Variants in LGR5 observed in about 807,000 individuals in gnomAD.
LGR5 encodes the protein leucine-rich repeat-containing G protein-coupled receptor 5.
Under a neutral mutation model 76.7 loss-of-function variants are expected in LGR5, and 54 were observed. That is an observed-to-expected ratio of 0.70 (90% confidence interval 0.57 to 0.88). LGR5 has a LOEUF of 0.88. Among genes scored for constraint, LGR5 ranks in the 40% least tolerant of loss-of-function variants. The probability of loss-of-function intolerance (pLI) is 0.00; values close to 1 mark genes in which losing one functional copy is unlikely to be tolerated. For synonymous variants in LGR5, 406 were observed against 421.9 expected (o/e 0.96, Z 0.46); for missense variants, 1,078 against 1,073.3 (o/e 1.00, Z -0.06).
chr12:71,504,994 C>G (rs1874787140), intron 2 of LGR5, among the ~76,000 whole-genome samples: 1 of 152,118 alleles, frequency 6.6e-6, no homozygotes, highest in Non-Finnish European at 1.5e-5. Flanking sequence ...AATAGTTAAG[C>G]AGCAGGATAT....
chr12:71,463,861 A>G (rs1872764225), intron 1 of LGR5, among the ~76,000 whole-genome samples: 1 of 152,008 alleles, frequency 6.6e-6, no homozygotes, highest in Admixed American at 6.6e-5. Flanking sequence ...GTGTATATAT[A>G]TAATCTCTAG....
intron 1 of LGR5, among the ~76,000 whole-genome samples, chr12:71,483,822 G>A (rs1873713927): frequency 1.3e-5 from 2 of 152,048 alleles, no homozygotes; most frequent in Admixed American, 6.6e-5. Context: ...AATAACATCA[G>A]TTATGACTAC....
intron 1 of LGR5, chr12:71,448,861 G>C (rs116155297): frequency 3.3e-5 from 5 of 152,144 alleles, no homozygotes; most frequent in Non-Finnish European, 5.9e-5. Context: ...TTTTGTCTTT[G>C]TACTTCCTGT....
intron 1 of LGR5, among the ~76,000 whole-genome samples, chr12:71,477,987 G>A (rs997991218): frequency 6.6e-6 from 1 of 152,022 alleles, no homozygotes; most frequent in South Asian, 2.1e-4. Flanking sequence ...ACTTTAACAG[G>A]TTCATTATAA....
In LGR5 at chr12:71,566,873, C is replaced by T. The variant is rs765346055; in HGVS notation, c.1031C>T (p.Pro344Leu). 7 of 1,613,832 alleles carry T rather than the reference C, an allele frequency of 4.3e-6. No individual in the cohort carries two copies. Among genetic ancestry groups the T allele is most frequent in the South Asian group, 3.3e-5 (3 of 91,074 alleles). ...TLTGAQISSL[P>L]QTVCNQLPNL... ...ACTGGAGCACAGATCTCATCTCTTC[C>T]TCAAACCGTCTGCAATCAGTTACCT... Residue 344 changes from proline to leucine, a missense_variant, in exon 11 of 18, where the codon CCT (proline) becomes CTT (leucine). Pro to Leu is a moderately conservative substitution (Grantham distance 98). Transcript: ENST00000266674.
intron 11 of LGR5, 53 bp downstream of exon 11, chr12:71,566,965 G>T: frequency 1.6e-6 from 2 of 1,276,494 alleles, no homozygotes; most frequent in South Asian, 1.2e-5. Flanking sequence ...TCCATTTAGG[G>T]GTGAAATGGC....
At chr12:71,475,685 A>G (rs1018692879) in intron 1 of LGR5, among the ~76,000 whole-genome samples, 17 of 152,118 alleles carry the variant, frequency 1.1e-4, no homozygotes, top group African/African-American at 4.1e-4. Flanking sequence ...TTCAAGACTC[A>G]GTTTAAGTGT....
rs941681638 is a variant in LGR5 at position 71,440,496 on chromosome 12, G to T, written c.212+204G>T. On this transcript the variant is annotated intron_variant, in intron 1 of 17. Transcript: ENST00000266674. The surrounding 1 kb of genome is among the most constrained non-coding windows in gnomAD (Gnocchi z 5.3). ...TAGCGTGCCGGCACTTTCTGGACCC[G>T]CAGAGAAATGGCTTCGAGTGCAACC... Among the ~76,000 whole-genome samples, 2 of 152,190 alleles carry T rather than the reference G, an allele frequency of 1.3e-5. No homozygotes were observed. The highest frequency in any genetic ancestry group is 2.9e-5 in the Non-Finnish European group (2 of 68,030).
intron 4 of LGR5, among the ~76,000 whole-genome samples, chr12:71,540,408 G>A (rs188691225): frequency 2.0e-5 from 3 of 152,240 alleles, no homozygotes; most frequent in East Asian, 3.9e-4. Context: ...CTTTATTATT[G>A]TCTCTATTCT....
chr12:71,549,942 G>T (rs1195091708), intron 4 of LGR5, among the ~76,000 whole-genome samples: 1 of 151,994 alleles, frequency 6.6e-6, no homozygotes, highest in African/African-American at 2.4e-5. Context: ...CTTTTTTCTG[G>T]GGGGAAAAGA....
At chr12:71,467,695 C>T (rs1032871247) in intron 1 of LGR5, among the ~76,000 whole-genome samples, 3 of 152,052 alleles carry the variant, frequency 2.0e-5, no homozygotes, top group Non-Finnish European at 2.9e-5. Flanking sequence ...CAAACAATGC[C>T]GATTTGGCAG....
chr12:71,472,534 T>A (rs1483858570), intron 1 of LGR5, among the ~76,000 whole-genome samples: 3 of 152,138 alleles, frequency 2.0e-5, no homozygotes, highest in African/African-American at 7.2e-5. Flanking sequence ...CCCCAATAGA[T>A]ATAATAGGTT....
chr12:71,581,943 C>T (rs1055253092), intron 16 of LGR5, among the ~76,000 whole-genome samples: 1 of 152,184 alleles, frequency 6.6e-6, no homozygotes, highest in South Asian at 2.1e-4. Flanking sequence ...CACAAAACTC[C>T]TATTTCATGG....
At chr12:71,443,986 C>T (rs1871878123) in intron 1 of LGR5, among the ~76,000 whole-genome samples, 1 of 151,870 alleles carries the variant, frequency 6.6e-6, no homozygotes, top group Non-Finnish European at 1.5e-5. Context: ...TAATTTTACA[C>T]ATAACTCCTA....
intron 16 of LGR5, among the ~76,000 whole-genome samples, chr12:71,581,893 A>C (rs1340898288): frequency 2.6e-5 from 4 of 152,196 alleles, no homozygotes; most frequent in African/African-American, 9.6e-5. Context: ...TTCCCACATG[A>C]GACCAATTAA....
chr12:71,564,007 T>C (rs1878203947), intron 8 of LGR5, among the ~76,000 whole-genome samples: 1 of 32,906 alleles, frequency 3.0e-5, no homozygotes, highest in Non-Finnish European at 9.7e-5. Flanking sequence ...TACGTATCTG[T>C]ACACACGCAC....
intron 1 of LGR5, among the ~76,000 whole-genome samples, chr12:71,501,767 T>C (rs1423739138): frequency 6.6e-6 from 1 of 152,252 alleles, no homozygotes; most frequent in Non-Finnish European, 1.5e-5. Context: ...AATCAATTTT[T>C]ATTATAGTTT....
upstream of LGR5, chr12:71,439,780 C>T: frequency 2.7e-6 from 1 of 366,224 alleles, no homozygotes; most frequent in African/African-American, 2.1e-5. Context: ...AAAAAACGAG[C>T]GTGCAAGCAG....
intron 4 of LGR5, among the ~76,000 whole-genome samples, chr12:71,549,464 AAT>A (rs1233431374): frequency 3.3e-5 from 5 of 152,194 alleles, no homozygotes; most frequent in Non-Finnish European, 7.3e-5. Context: ...ACCACAAAAA[AAT>A]GTTAAGTATG....
Sources: gnomAD v4.1 joint callset for allele counts (sites outside exome capture counted in the v4.1 genomes callset) on GRCh38, gnomAD v4.1.1 for gene constraint, Gnocchi (gnomAD v3.1) non-coding constraint, MANE v1.5 for transcripts, NCBI Gene and HGNC (gene_info 2026-07-23, HGNC 2026-07-21) for gene names.